Variants in PPOX observed in about 807,000 individuals in gnomAD.
The protein encoded by PPOX is variegate porphyria.
A neutral mutation model predicts 54.1 loss-of-function variants in PPOX; 23 were observed. The ratio of observed to expected loss-of-function variants is 0.43; its 90% CI spans 0.31 to 0.60. The LOEUF is 0.60. PPOX is among the 20% of genes least tolerant of loss of function. The pLI is 0.13. For synonymous variants in PPOX, 224 were observed against 236.1 expected (o/e 0.95, Z 0.47); for missense variants, 512 against 601.1 (o/e 0.85, Z 1.55).
chr1:161,166,934 G>C lies in PPOX; in HGVS notation c.87G>C (p.Lys29Asn). The change falls in exon 2 of 13, where the codon AAG becomes AAC. Residue 29 changes from lysine (K) to asparagine (N), a missense_variant and splice_region_variant. Physicochemically the swap from Lys to Asn is moderately conservative, Grantham distance 94. Transcript: ENST00000367999. ...YHLSRAPCPP[K>N]VVLVESSERL... Reference sequence around the variant, plus strand: ...TGAGCCGGGCCCCCTGCCCCCCTAAGGTGAGTGCTCCACTTGTGCCAGAGG... The same window carrying C: ...TGAGCCGGGCCCCCTGCCCCCCTAACGTGAGTGCTCCACTTGTGCCAGAGG... 1.2e-6 allele frequency: 2 copies of C among 1,613,942 alleles called. No individual in the cohort carries two copies. The highest frequency in any genetic ancestry group is 2.2e-5 in the East Asian group (1 of 44,884).
At chr1:161,177,855 G>A (rs1664133094), downstream of PPOX, 1 of 152,294 alleles carries the variant, frequency 6.6e-6, no homozygotes, top group South Asian at 2.1e-4. Context: ...CTCCCAGTGT[G>A]TCAGTGGCAC....
chr1:161,170,647 A>T lies in PPOX; in HGVS notation c.1126A>T (p.Thr376Ser), dbSNP rs1306462789. The T allele has an allele frequency of 6.2e-7, 1 of 1,614,180 alleles. No homozygotes were observed. Among genetic ancestry groups the T allele is most frequent in the Non-Finnish European group, 8.5e-7 (1 of 1,180,050 alleles). Residue 376 changes from threonine to serine, a missense_variant, in exon 11 of 13, where the codon ACA (threonine) becomes TCA (serine). Transcript: ENST00000367999. ...GATGCTGGGAGGTTCCTGGTTACAG[A>T]CACTGGAGGCTAGTGGCTGTGTCTT... ...TVMLGGSWLQ[T>S]LEASGCVLSQ...
downstream of PPOX, chr1:161,174,935 T>A (rs766261366): frequency 6.5e-7 from 1 of 1,548,812 alleles, no homozygotes; most frequent in East Asian, 2.2e-5. Flanking sequence ...TGAAGTGGCA[T>A]GTGCTTGAGG....
At chr1:161,171,694 C>T (rs910514435), downstream of PPOX, 136 of 1,399,214 alleles carry the variant, frequency 9.7e-5, no homozygotes, top group Non-Finnish European at 1.2e-4. Flanking sequence ...GGCCCCTACC[C>T]CCTAGCACGG....
At chr1:161,168,707 G>C in intron 6 of PPOX, 131 bp downstream of exon 6, 2 of 1,251,374 alleles carry the variant, frequency 1.6e-6, no homozygotes, top group East Asian at 2.5e-5. Flanking sequence ...GCCTAGGCTG[G>C]AGTGCAGTGG....
At chr1:161,168,958 C>T (rs747871445) in intron 6 of PPOX, 35 bp from the exon 7 acceptor site, 1 of 1,611,190 alleles carries the variant, frequency 6.2e-7, no homozygotes, top group Admixed American at 1.7e-5. Flanking sequence ...GCCACTGCAT[C>T]CAGCCTCAAT....
At chr1:161,174,917 G>C, downstream of PPOX, 2 of 1,463,838 alleles carry the variant, frequency 1.4e-6, no homozygotes, top group South Asian at 1.2e-5. Flanking sequence ...GACCCATTTA[G>C]ATGAAAGTGA....
chr1:161,171,387 C>G, downstream of PPOX: 1 of 823,384 alleles, frequency 1.2e-6, no homozygotes, highest in Non-Finnish European at 1.9e-6. Flanking sequence ...GGAGCTATTC[C>G]AGCATAGGCA....
Position 161,167,410 on chromosome 1 carries a change from C to G in PPOX, c.262C>G (p.Arg88Gly). 6.2e-7 allele frequency: 1 copy of G among 1,613,814 alleles called. No homozygotes were observed. Among genetic ancestry groups the G allele is most frequent in the Non-Finnish European group, 8.5e-7 (1 of 1,179,986 alleles). ...LGLDSEVLPV[R>G]GDHPAAQNRF... Reference sequence around the variant, plus strand: ...CTTGGATTCAGAAGTGCTGCCTGTCCGGGGAGACCACCCAGCTGCCCAGAA... The same window carrying G: ...CTTGGATTCAGAAGTGCTGCCTGTCGGGGGAGACCACCCAGCTGCCCAGAA... The change falls in exon 4 of 13, where the codon CGG becomes GGG. Residue 88 changes from arginine to glycine, a missense_variant. By Grantham distance (125) the Arg-to-Gly change is moderately radical (BLOSUM62 -2). Coordinates refer to ENST00000367999, the MANE Select transcript of PPOX (RefSeq NM_001122764.3).
At chr1:161,176,032 C>T, downstream of PPOX, 1 of 1,614,106 alleles carries the variant, frequency 6.2e-7, no homozygotes, top group Middle Eastern at 1.7e-4. Flanking sequence ...GGCCAGCGTG[C>T]AAGGCCGCTC....
chr1:161,169,637 C>T (rs1420728568), intron 7 of PPOX, 23 bp from the exon 8 acceptor site: 5 of 1,612,418 alleles, frequency 3.1e-6, no homozygotes, highest in Non-Finnish European at 4.2e-6. Context: ...TTCTGGGTCT[C>T]TCAAATGTTT....
chr1:161,173,882 A>G, downstream of PPOX: 1 of 1,614,042 alleles, frequency 6.2e-7, no homozygotes, highest in Non-Finnish European at 8.5e-7. Flanking sequence ...TGTTCATAGC[A>G]ACGGCAACAT....
Position 161,171,209 on chromosome 1 carries a change from C to G in PPOX, c.*33C>G, listed in dbSNP as rs372025313. 2.7e-5 allele frequency: 44 copies of G among 1,612,396 alleles called. No homozygotes were observed. Among genetic ancestry groups the G allele is most frequent in the Non-Finnish European group, 3.6e-5 (42 of 1,180,048 alleles). On this transcript the variant is annotated 3_prime_UTR_variant, in exon 13 of 13. Coordinates refer to ENST00000367999, the MANE Select transcript of PPOX (RefSeq NM_001122764.3). ...CTCTCATTCATGAAAATAAAAATTGCTGGAGCTTGGCTTGGTCTGGCTGTT... is the reference window on the plus strand; with the variant it reads ...CTCTCATTCATGAAAATAAAAATTGGTGGAGCTTGGCTTGGTCTGGCTGTT...
downstream of PPOX, chr1:161,174,996 G>C (rs376554550): frequency 1.2e-6 from 2 of 1,613,288 alleles, no homozygotes; most frequent in Non-Finnish European, 1.7e-6. Context: ...GGGGTACCTG[G>C]TGGATGACAT....
Position 161,170,650 on chromosome 1 carries a change from C to A in PPOX, c.1129C>A (p.Leu377Met). 1 of 1,614,204 alleles carries A rather than the reference C, an allele frequency of 6.2e-7. No homozygotes were observed. The highest frequency in any genetic ancestry group is 1.1e-5 in the South Asian group (1 of 91,086). ...VMLGGSWLQT[L>M]EASGCVLSQE... ...GCTGGGAGGTTCCTGGTTACAGACA[C>A]TGGAGGCTAGTGGCTGTGTCTTATC... The change falls in exon 11 of 13, where the codon CTG (leucine) becomes ATG (methionine). Residue 377 changes from leucine to methionine, a missense_variant. By Grantham distance (15) the Leu-to-Met change is conservative. Coordinates refer to ENST00000367999, the MANE Select transcript of PPOX (RefSeq NM_001122764.3).
intron 6 of PPOX, 85 bp downstream of exon 6, chr1:161,168,661 C>CT (rs1178367338): frequency 3.3e-6 from 5 of 1,531,006 alleles, no homozygotes; most frequent in African/African-American, 2.7e-5. Context: ...TTCAATGATT[C>CT]TTTTTTTCTT....
downstream of PPOX, chr1:161,171,702 C>T (rs150052876): frequency 8.5e-5 from 122 of 1,441,812 alleles, no homozygotes; most frequent in African/African-American, 1.5e-3. Flanking sequence ...CCCCCTAGCA[C>T]GGCACCAGAG....
At chr1:161,171,950 G>A (rs776689921), downstream of PPOX, 20 of 1,614,044 alleles carry the variant, frequency 1.2e-5, no homozygotes, top group Middle Eastern at 1.6e-4. Context: ...GAAGGAGCCC[G>A]AGGACCCCGA....
downstream of PPOX, chr1:161,174,872 C>A: frequency 9.2e-7 from 1 of 1,092,448 alleles, no homozygotes; most frequent in Non-Finnish European, 1.4e-6. Context: ...CTTCTCCACA[C>A]TCTAACAGTC....
Sources: allele counts gnomAD v4.1 joint callset, GRCh38; gene constraint gnomAD v4.1.1; transcripts MANE v1.5; gene names NCBI Gene and HGNC (gene_info 2026-07-23, HGNC 2026-07-21).